Variants in CSMD1 observed in about 807,000 individuals in gnomAD.
CSMD1 encodes the protein CUB and sushi domain-containing protein 1.
CSMD1 carries 213 observed loss-of-function variants against 417.5 expected under a neutral mutation model. The observed-to-expected ratio is 0.51, with a 90% CI of 0.46 to 0.57. The LOEUF (loss-of-function observed/expected upper bound fraction) is 0.57, where lower values mean the gene tolerates loss of function less well. Ranked by LOEUF, CSMD1 falls within the 20% of genes least tolerant of loss-of-function variation. The probability of loss-of-function intolerance (pLI) is 0.00; values close to 1 mark genes in which losing one functional copy is unlikely to be tolerated. For synonymous variants in CSMD1, 2,862 were observed against 1,736.8 expected (o/e 1.65, Z -16.11); for missense variants, 6,923 against 4,529.7 (o/e 1.53, Z -15.17).
chr8:3,281,706 A>G (rs10091673), intron 26 of CSMD1, among the ~76,000 whole-genome samples: 114,250 of 152,036 alleles, frequency 0.75, 43,315 homozygotes, highest in Admixed American at 0.84. Flanking sequence ...GAACACAGGG[A>G]ATTGTTAGGG....
chr8:4,244,019 T>A (rs529199192), intron 3 of CSMD1, among the ~76,000 whole-genome samples: 58 of 152,294 alleles, frequency 3.8e-4, no homozygotes, highest in African/African-American at 1.3e-3. Flanking sequence ...GGAAGCTGCA[T>A]TTTAACCTGG....
chr8:3,852,508 C>T (rs905873188), intron 5 of CSMD1, among the ~76,000 whole-genome samples: 1 of 152,054 alleles, frequency 6.6e-6, no homozygotes, highest in Non-Finnish European at 1.5e-5. Context: ...TGACAGTTGA[C>T]GATAAATTCC....
chr8:3,489,294 T>G (rs1214276364), intron 11 of CSMD1, among the ~76,000 whole-genome samples: 2 of 152,204 alleles, frequency 1.3e-5, no homozygotes, highest in Admixed American at 6.5e-5. Flanking sequence ...CACATCTGGT[T>G]AGGCAGAGGC....
chr8:4,710,139 A>AG (rs1399219576), intron 1 of CSMD1, among the ~76,000 whole-genome samples: 1 of 152,042 alleles, frequency 6.6e-6, no homozygotes, highest in East Asian at 1.9e-4. Context: ...GGTTATTCTA[A>AG]GGGGGGATTA....
At chr8:4,359,875 A>C (rs549290357) in intron 3 of CSMD1, among the ~76,000 whole-genome samples, 1 of 152,202 alleles carries the variant, frequency 6.6e-6, no homozygotes, top group Non-Finnish European at 1.5e-5. Flanking sequence ...CAACACTACT[A>C]AATTCTAAAC....
intron 54 of CSMD1, among the ~76,000 whole-genome samples, chr8:2,986,189 G>T (rs572370685): frequency 2.4e-4 from 36 of 152,120 alleles, no homozygotes; most frequent in Non-Finnish European, 4.9e-4. Flanking sequence ...ACTTTCCTGC[G>T]ATAATATAAA....
At chr8:4,250,733 G>C (rs1316368782) in intron 3 of CSMD1, among the ~76,000 whole-genome samples, 1 of 152,082 alleles carries the variant, frequency 6.6e-6, no homozygotes, top group Non-Finnish European at 1.5e-5. Flanking sequence ...TCTAAAGAAA[G>C]TTTGCAAAGA....
chr8:3,235,712 G>C (rs964703033), intron 26 of CSMD1, among the ~76,000 whole-genome samples: 1 of 152,068 alleles, frequency 6.6e-6, no homozygotes, highest in Non-Finnish European at 1.5e-5. Flanking sequence ...GTGGTTACAT[G>C]TCCTTTCATG....
intron 2 of CSMD1, among the ~76,000 whole-genome samples, chr8:4,486,332 G>C (rs1048405889): frequency 6.7e-5 from 10 of 148,258 alleles, no homozygotes; most frequent in African/African-American, 2.2e-4. Context: ...ACAAATAACA[G>C]TAATTTGCGA....
At chr8:4,901,153 G>T (rs2117043721) in intron 1 of CSMD1, among the ~76,000 whole-genome samples, 1 of 152,266 alleles carries the variant, frequency 6.6e-6, no homozygotes, top group African/African-American at 2.4e-5. Context: ...TGTCATCTGG[G>T]CTAAGAAAGA....
chr8:3,708,441 T>G lies in CSMD1; in HGVS notation c.982A>C (p.Lys328Gln). 6.2e-7 allele frequency: 1 copy of G among 1,613,982 alleles called. No individual in the cohort carries two copies. Among genetic ancestry groups the G allele is most frequent in the East Asian group, 2.2e-5 (1 of 44,876 alleles). The change falls in exon 7 of 70, where the codon AAG becomes CAG. Residue 328 changes from lysine (K) to glutamine (Q), a missense_variant. Lys to Gln is a moderately conservative substitution (Grantham distance 53). Transcript: ENST00000635120. ...ACAGAGTTTTTATGGCTTCCATCCT[T>G]GCTGGGCAGCATCTTGACTCCTCTT... ...KSRGVKMLPS[K>Q]DGSHKNSVLS...
chr8:3,089,363 G>C (rs560832909), intron 48 of CSMD1, among the ~76,000 whole-genome samples: 2 of 152,202 alleles, frequency 1.3e-5, no homozygotes, highest in Non-Finnish European at 1.5e-5. Context: ...AGTATGAAAA[G>C]GACATTGTTA....
intron 4 of CSMD1, among the ~76,000 whole-genome samples, chr8:4,009,117 C>T (rs920107984): frequency 6.6e-6 from 1 of 152,094 alleles, no homozygotes; most frequent in Admixed American, 6.5e-5. Context: ...TGGTTGAACA[C>T]CACTGACTTA....
intron 5 of CSMD1, among the ~76,000 whole-genome samples, chr8:3,890,177 A>G (rs1251816285): frequency 1.3e-5 from 2 of 152,202 alleles, no homozygotes; most frequent in Non-Finnish European, 2.9e-5. Context: ...TTTGATAACT[A>G]AAGTATCATA....
At chr8:3,605,927 G>T (rs938545448) in intron 8 of CSMD1, among the ~76,000 whole-genome samples, 1 of 152,112 alleles carries the variant, frequency 6.6e-6, no homozygotes, top group Non-Finnish European at 1.5e-5. Context: ...CCTAGAGACT[G>T]GCTTGTTAGC....
chr8:3,994,038 A>G (rs894380055), intron 5 of CSMD1, among the ~76,000 whole-genome samples: 1 of 152,208 alleles, frequency 6.6e-6, no homozygotes, highest in Admixed American at 6.5e-5. Flanking sequence ...GATGGGGCCA[A>G]ATCGGTAGCT....
At chr8:3,898,925 A>G (rs886577561) in intron 5 of CSMD1, among the ~76,000 whole-genome samples, 1 of 152,190 alleles carries the variant, frequency 6.6e-6, no homozygotes, top group Non-Finnish European at 1.5e-5. Context: ...TCTATTCAAG[A>G]ACCTCTGCCC....
intron 2 of CSMD1, among the ~76,000 whole-genome samples, chr8:4,542,265 A>G (rs77326248): frequency 2.6e-3 from 394 of 152,142 alleles, no homozygotes; most frequent in Non-Finnish European, 4.4e-3. Context: ...TTTTTGAAAT[A>G]TTAGGATAAA....
At chr8:4,399,777 T>C (rs1043941339) in intron 3 of CSMD1, among the ~76,000 whole-genome samples, 1 of 152,176 alleles carries the variant, frequency 6.6e-6, no homozygotes, top group Non-Finnish European at 1.5e-5. Flanking sequence ...CTCATGTGAG[T>C]CTATTTCTAA....
Sources: gnomAD v4.1 joint callset for allele counts (sites outside exome capture counted in the v4.1 genomes callset) on GRCh38, gnomAD v4.1.1 for gene constraint, MANE v1.5 for transcripts, NCBI Gene and HGNC (gene_info 2026-07-23, HGNC 2026-07-21) for gene names.